Variants in ZNF708 observed in about 807,000 individuals in gnomAD.
ZNF708 encodes the protein zinc finger protein 708, also known as ZNF15, ZNF15L1.
Under a neutral mutation model 47.0 loss-of-function variants are expected in ZNF708, and 44 were observed. That is an observed-to-expected ratio of 0.94 (90% CI 0.74 to 1.20). The LOEUF (loss-of-function observed/expected upper bound fraction) is 1.20. ZNF708 is among the 50% of genes most tolerant of loss of function. The pLI, the probability that ZNF708 is intolerant of heterozygous loss-of-function variation, is 0.00. For synonymous variants in ZNF708, 184 were observed against 218.5 expected (o/e 0.84, Z 1.39); for missense variants, 557 against 656.0 (o/e 0.85, Z 1.65).
At chr19:21,312,120 C>T (rs1377761595) in intron 1 of ZNF708, among the ~76,000 whole-genome samples, 1 of 152,022 alleles carries the variant, frequency 6.6e-6, no homozygotes, top group Non-Finnish European at 1.5e-5. Context: ...CATGGTGAAA[C>T]CCTGTCTCTA....
Position 21,294,629 on chromosome 19 carries a change from T to C in ZNF708, c.337A>G (p.Lys113Glu), listed in dbSNP as rs1781873. The C allele has an allele frequency of 0.53, 848,187 of 1,613,828 alleles. 226,009 individuals carry two copies. Among genetic ancestry groups the C allele is most frequent in the African/African-American group, 0.71 (53,069 of 74,948 alleles). ...YGKCGYQKGC[K>E]SVDEHKLHKG... ...TGCAACTTATGCTCATCCACACTTTTACAGCCTTTCTGATATCCACATTTT... is the reference window on the plus strand; with the variant it reads ...TGCAACTTATGCTCATCCACACTTTCACAGCCTTTCTGATATCCACATTTT... The change falls in exon 4 of 4, where the codon AAA becomes GAA. Residue 113 changes from lysine to glutamate, a missense_variant. Coordinates refer to ENST00000356929, the MANE Select transcript of ZNF708 (RefSeq NM_021269.3).
intron 1 of ZNF708, among the ~76,000 whole-genome samples, chr19:21,316,560 A>T (rs892799688): frequency 6.6e-6 from 1 of 152,314 alleles, no homozygotes; most frequent in East Asian, 1.9e-4. Flanking sequence ...GAAAAAAGGA[A>T]TTAAAAATTC....
Position 21,293,182 on chromosome 19 carries a change from T to G in ZNF708, c.*92A>C, listed in dbSNP as rs1972429718. The G allele has an allele frequency of 7.0e-7, 1 of 1,435,556 alleles. No homozygotes were observed. The highest frequency in any genetic ancestry group is 9.6e-7 in the Non-Finnish European group (1 of 1,044,058). The allele number at this position is 1,435,556 out of a possible 1,614,324, so 88.9% of individuals were successfully genotyped here. ...AGGATTAAGAGCCAGTTAAAGGCTT[T>G]GCCACATTTATCACATTTGTAGGAT... On this transcript the variant is annotated 3_prime_UTR_variant, in exon 4 of 4. Transcript: ENST00000356929.
rs1271576374 is a variant in ZNF708 at position 21,294,380 on chromosome 19, A to C, written c.586T>G (p.Tyr196Asp). Reference protein sequence around the residue: ...HEIIHTGEKPYKCEECGKAFK... With the variant: ...HEIIHTGEKPDKCEECGKAFK... Reference sequence around the variant, plus strand: ...GCTTTGCCACATTCTTCACATTTGTAGGGTTTTTCTCCAGTATGAATTATC... The same window carrying C: ...GCTTTGCCACATTCTTCACATTTGTCGGGTTTTTCTCCAGTATGAATTATC... The change falls in exon 4 of 4, where the codon TAC (tyrosine) becomes GAC (aspartate). Residue 196 changes from tyrosine to aspartate, a missense_variant. Transcript: ENST00000356929. 4.3e-6 allele frequency: 7 copies of C among 1,613,624 alleles called. No individual in the cohort carries two copies. The Admixed American group carries it at 1.2e-4, about 27-fold the overall frequency.
Position 21,294,658 on chromosome 19 carries a change from T to C in ZNF708, c.308A>G (p.Tyr103Cys), listed in dbSNP as rs1404564436. The change falls in exon 4 of 4, where the codon TAT becomes TGT. Residue 103 changes from tyrosine to cysteine, a missense_variant. By Grantham distance (194) the Tyr-to-Cys change is radical. Coordinates refer to ENST00000356929, the MANE Select transcript of ZNF708 (RefSeq NM_021269.3). ...NSFQQVILRR[Y>C]GKCGYQKGCK... is the part of the protein sequence containing the mutation. ...GCCTTTCTGATATCCACATTTTCCA[T>C]ATCTTCTCAGTATCACTTGTTGGAA... 1.2e-6 allele frequency: 2 copies of C among 1,614,036 alleles called. No homozygotes were observed. The highest frequency in any genetic ancestry group is 1.3e-5 in the African/African-American group (1 of 74,952).
chr19:21,323,245 T>C (rs557883009), intron 1 of ZNF708, among the ~76,000 whole-genome samples: 2 of 152,172 alleles, frequency 1.3e-5, no homozygotes, highest in Non-Finnish European at 2.9e-5. Context: ...ATCTATCACA[T>C]AGCAGACACC....
At chr19:21,312,926 G>T (rs1427438861) in intron 1 of ZNF708, among the ~76,000 whole-genome samples, 2 of 148,740 alleles carry the variant, frequency 1.3e-5, no homozygotes, top group Non-Finnish European at 3.0e-5. Flanking sequence ...AGCAATGTCT[G>T]AATAAGTCTG....
chr19:21,301,848 AAT>A (rs1491083144), intron 3 of ZNF708, among the ~76,000 whole-genome samples: 1 of 103,130 alleles, frequency 9.7e-6, no homozygotes, highest in East Asian at 3.3e-4. Flanking sequence ...GTGATAAAAA[AAT>A]ATTTCTAACC....
At chr19:21,306,425 A>C (rs1027297924) in intron 3 of ZNF708, among the ~76,000 whole-genome samples, 2 of 152,052 alleles carry the variant, frequency 1.3e-5, no homozygotes, top group African/African-American at 4.8e-5. Flanking sequence ...AATTGAACTG[A>C]ATTTTCATTT....
At chr19:21,316,345 C>T (rs1010978791) in intron 1 of ZNF708, among the ~76,000 whole-genome samples, 5 of 151,618 alleles carry the variant, frequency 3.3e-5, no homozygotes, top group Non-Finnish European at 5.9e-5. Context: ...AGGCTGGTCT[C>T]GAACTCCCGA....
intron 1 of ZNF708, among the ~76,000 whole-genome samples, chr19:21,326,235 G>A (rs143989018): frequency 1.2e-3 from 179 of 152,280 alleles, no homozygotes; most frequent in Admixed American, 1.9e-3. Context: ...AGGAAAAGAA[G>A]TCATTATTCG....
chr19:21,324,233 A>G (rs1167729192), intron 1 of ZNF708, among the ~76,000 whole-genome samples: 4 of 149,030 alleles, frequency 2.7e-5, no homozygotes, highest in Admixed American at 6.8e-5. Context: ...ACAGAGCAAG[A>G]CTCCGTCTCA....
intron 1 of ZNF708, among the ~76,000 whole-genome samples, chr19:21,321,793 T>G (rs1446708235): frequency 6.6e-6 from 1 of 152,120 alleles, no homozygotes; most frequent in African/African-American, 2.4e-5. Context: ...GCTTAGTACT[T>G]CAGTGAAAAA....
At chr19:21,327,961 T>A in intron 1 of ZNF708, 1 of 1,030,524 alleles carries the variant, frequency 9.7e-7, no homozygotes, top group Non-Finnish European at 1.2e-6. Context: ...ACTCCATACC[T>A]CAGGTTGTCC....
intron 1 of ZNF708, among the ~76,000 whole-genome samples, chr19:21,324,114 G>A (rs1323457450): frequency 2.6e-5 from 4 of 151,994 alleles, no homozygotes; most frequent in Admixed American, 2.6e-4. Context: ...CGTGGTGGCG[G>A]GCACTTGTAG....
intron 3 of ZNF708, 73 bp downstream of exon 3, chr19:21,309,173 T>G: frequency 7.3e-7 from 1 of 1,367,306 alleles, no homozygotes; most frequent in African/African-American, 1.5e-5. Context: ...CCAAGTCAAA[T>G]TTTAAGGACT....
chr19:21,310,673 C>A (rs915705590), intron 1 of ZNF708, 46 bp from the exon 2 acceptor site: 3 of 1,379,978 alleles, frequency 2.2e-6, no homozygotes, highest in Middle Eastern at 2.0e-4. Context: ...TGGTTATGGA[C>A]AGAATTTTTA....
intron 1 of ZNF708, among the ~76,000 whole-genome samples, chr19:21,315,715 A>C (rs1370325514): frequency 6.6e-6 from 1 of 152,180 alleles, no homozygotes; most frequent in Admixed American, 6.6e-5. Flanking sequence ...TATTTACAAA[A>C]ATAAATTGAT....
intron 3 of ZNF708, among the ~76,000 whole-genome samples, chr19:21,297,873 TAAC>T (rs1972571630): frequency 6.6e-6 from 1 of 151,946 alleles, no homozygotes; most frequent in Non-Finnish European, 1.5e-5. Context: ...GTGTCATATT[TAAC>T]AACATGTACT....
Sources: allele counts gnomAD v4.1 joint callset (sites outside exome capture counted in the v4.1 genomes callset), GRCh38; gene constraint gnomAD v4.1.1; transcripts MANE v1.5; gene names NCBI Gene and HGNC (gene_info 2026-07-23, HGNC 2026-07-21).